Variants in CEP70 observed in about 807,000 individuals in gnomAD.
CEP70 encodes the protein centrosomal protein of 70 kDa.
A neutral mutation model predicts 90.9 loss-of-function variants in CEP70; 70 were observed. The observed-to-expected ratio is 0.77, with a 90% confidence interval of 0.64 to 0.94. The LOEUF is 0.94. CEP70 is among the 40% of genes least tolerant of loss of function. The pLI is 0.00. For missense variants in CEP70, 648 were observed against 669.0 expected, an observed-to-expected ratio of 0.97 and a Z score of 0.35; for synonymous variants, 220 against 228.3, an observed-to-expected ratio of 0.96 and a Z score of 0.33.
intron 6 of CEP70, among the ~76,000 whole-genome samples, chr3:138,568,702 C>T (rs924267032): frequency 1.3e-5 from 2 of 151,920 alleles, no homozygotes; most frequent in African/African-American, 2.4e-5. Context: ...CAACCTAGGC[C>T]GGGCGCAGTG....
intron 6 of CEP70, among the ~76,000 whole-genome samples, chr3:138,555,501 TCA>T (rs1430732404): frequency 6.6e-6 from 1 of 152,016 alleles, no homozygotes. Context: ...GAAAAAATCA[TCA>T]CAATCTATAC....
chr3:138,524,356 A>G (rs1237028705), intron 11 of CEP70, among the ~76,000 whole-genome samples: 1 of 152,122 alleles, frequency 6.6e-6, no homozygotes, highest in Non-Finnish European at 1.5e-5. Flanking sequence ...AATGGCAACA[A>G]AAGCTAAAAT....
At chr3:138,505,705 G>T (rs2034924784) in intron 12 of CEP70, among the ~76,000 whole-genome samples, 1 of 152,194 alleles carries the variant, frequency 6.6e-6, no homozygotes, top group Non-Finnish European at 1.5e-5. Flanking sequence ...AATGCAGGCA[G>T]ACTGAGACCC....
At chr3:138,551,046 G>T (rs1429390585) in intron 6 of CEP70, among the ~76,000 whole-genome samples, 1 of 152,144 alleles carries the variant, frequency 6.6e-6, no homozygotes, top group Non-Finnish European at 1.5e-5. Flanking sequence ...ATCGCAAAAA[G>T]ATTGCCTAGG....
intron 2 of CEP70, among the ~76,000 whole-genome samples, chr3:138,575,898 T>A (rs899296216): frequency 1.3e-5 from 2 of 152,116 alleles, no homozygotes; most frequent in African/African-American, 4.8e-5. Flanking sequence ...GACAAGCAAA[T>A]GCAAAGAGAT....
rs376545412 is a variant in CEP70 at position 138,560,042 on chromosome 3, TA to T, written c.465+10275del. 3.9e-3 allele frequency among the ~76,000 whole-genome samples: 597 copies of T among 152,258 alleles called. 3 individuals are homozygous for T. The highest frequency in any genetic ancestry group is 0.014 in the African/African-American group (574 of 41,550). ...ACTCTGAAAAAGTCTGACAGTTTCT[TA>T]AAAACTTAAATGTGAGGATTGCTGC... On this transcript the variant is annotated intron_variant, in intron 6 of 17. Coordinates refer to ENST00000264982, the MANE Select transcript of CEP70 (RefSeq NM_024491.4).
At chr3:138,586,002 A>G (rs1281903248) in intron 2 of CEP70, among the ~76,000 whole-genome samples, 2 of 152,216 alleles carry the variant, frequency 1.3e-5, no homozygotes, top group African/African-American at 4.8e-5. Flanking sequence ...CCACAAGCAC[A>G]GGCAACCAAA....
chr3:138,567,692 T>C (rs2108114033), intron 6 of CEP70, among the ~76,000 whole-genome samples: 1 of 152,336 alleles, frequency 6.6e-6, no homozygotes, highest in East Asian at 1.9e-4. Flanking sequence ...CCTTTTCCTT[T>C]GTCTTGCCAC....
In CEP70 at chr3:138,505,621, T is replaced by C. The variant is rs372558024; in HGVS notation, c.1051-156A>G. Among the ~76,000 whole-genome samples the C allele has an allele frequency of 3.5e-4, 53 of 152,346 alleles. 1 individual carries two copies. The South Asian group carries it at 7.0e-3, about 20-fold the overall frequency. On this transcript the variant is annotated intron_variant, in intron 12 of 17. Transcript: ENST00000264982. ...CATAAGGAATTGGCTCATGCAATTA[T>C]GAAGACTGACAAGTCCCAAGATCTG...
At chr3:138,586,259 G>C (rs937678960) in intron 2 of CEP70, among the ~76,000 whole-genome samples, 1 of 152,120 alleles carries the variant, frequency 6.6e-6, no homozygotes, top group African/African-American at 2.4e-5. Flanking sequence ...CCAGGTTCAA[G>C]CGATTCTCCT....
chr3:138,496,448 A>G (rs2033963621), intron 17 of CEP70: 27 of 985,322 alleles, frequency 2.7e-5, no homozygotes, highest in Non-Finnish European at 3.3e-5. Context: ...CATTGTGGTA[A>G]GGTACAAGAT....
intron 15 of CEP70, 56 bp downstream of exon 15, chr3:138,500,343 G>A: frequency 1.3e-6 from 2 of 1,523,082 alleles, no homozygotes; most frequent in African/African-American, 1.4e-5. Flanking sequence ...TCTACTTTTT[G>A]TTAATTTATT....
chr3:138,533,712 T>C (rs1390332917), intron 7 of CEP70, among the ~76,000 whole-genome samples: 1 of 152,210 alleles, frequency 6.6e-6, no homozygotes, highest in African/African-American at 2.4e-5. Flanking sequence ...ATGTGGGGAT[T>C]AGGAAAGCAA....
At chr3:138,521,565 GC>G (rs1486479960) in intron 11 of CEP70, among the ~76,000 whole-genome samples, 8 of 149,770 alleles carry the variant, frequency 5.3e-5, no homozygotes, top group African/African-American at 2.0e-4. Flanking sequence ...GAGCGCCTCT[GC>G]CCGGCCGCCC....
intron 6 of CEP70, among the ~76,000 whole-genome samples, chr3:138,551,706 A>G (rs905636681): frequency 6.6e-6 from 1 of 150,794 alleles, no homozygotes; most frequent in African/African-American, 2.4e-5. Context: ...ATATCCCGCC[A>G]CTGCACTCCA....
chr3:138,528,598 GC>G (rs2037514066), intron 10 of CEP70, among the ~76,000 whole-genome samples: 2 of 152,276 alleles, frequency 1.3e-5, no homozygotes, highest in Admixed American at 1.3e-4. Flanking sequence ...AGTGGCTCAT[GC>G]CTGTAATTCC....
chr3:138,571,068 T>A lies in CEP70; in HGVS notation c.250A>T (p.Ile84Leu), dbSNP rs1357377935. ...TGATTAGTTTCTATAAGCTCCTGTA[T>A]CATGTTCTGTTGACATGATGTTTCT... ...VEETSCQQNM[I>L]QELIETNQQL... The change falls in exon 5 of 18, where the codon ATA becomes TTA. Residue 84 changes from isoleucine to leucine, a missense_variant. By Grantham distance (5) the Ile-to-Leu change is conservative (BLOSUM62 2). Transcript: ENST00000264982. 6.2e-7 allele frequency: 1 copy of A among 1,608,336 alleles called. No homozygotes were observed. Among genetic ancestry groups the A allele is most frequent in the Admixed American group, 1.7e-5 (1 of 59,532 alleles).
At chr3:138,540,220 C>T (rs150736024) in intron 6 of CEP70, among the ~76,000 whole-genome samples, 14 of 152,072 alleles carry the variant, frequency 9.2e-5, no homozygotes, top group African/African-American at 2.2e-4. Flanking sequence ...TTAGGCCAGG[C>T]GCGGTGGCTC....
At chr3:138,578,465 A>C (rs2041673111) in intron 2 of CEP70, among the ~76,000 whole-genome samples, 1 of 152,168 alleles carries the variant, frequency 6.6e-6, no homozygotes. Context: ...TAGAAGAAAA[A>C]CAGAAGATGC....
Sources: gnomAD v4.1 joint callset for allele counts (sites outside exome capture counted in the v4.1 genomes callset) on GRCh38, gnomAD v4.1.1 for gene constraint, MANE v1.5 for transcripts, NCBI Gene and HGNC (gene_info 2026-07-23, HGNC 2026-07-21) for gene names.